MDH1: variants seen among roughly 807,000 people sequenced by gnomAD.
MDH1 encodes the protein malate dehydrogenase, cytoplasmic.
MDH1 carries 15 observed loss-of-function variants against 38.7 expected under a neutral mutation model. The ratio of observed to expected loss-of-function variants is 0.39; its 90% CI spans 0.26 to 0.60. The LOEUF is 0.60. Ranked by LOEUF, MDH1 falls within the 20% of genes least tolerant of loss-of-function variation. The pLI, the probability that MDH1 is intolerant of heterozygous loss-of-function variation, is 0.56. For missense variants in MDH1, 368 were observed against 405.2 expected (o/e 0.91, Z 0.79); for synonymous variants, 144 against 143.6 (o/e 1.00, Z -0.02).
chr2:63,594,339 A>G (rs1171744910), intron 1 of MDH1, 149 bp from the exon 2 acceptor site: 1 of 752,634 alleles, frequency 1.3e-6, no homozygotes, highest in African/African-American at 1.7e-5. Flanking sequence ...TATGCAGCAC[A>G]TTCATTTTCT....
chr2:63,603,655 CTTTTTTTTTTTT>C (rs11297982), intron 5 of MDH1, among the ~76,000 whole-genome samples: 1 of 99,112 alleles, frequency 1.0e-5, no homozygotes, highest in Non-Finnish European at 1.9e-5. Context: ...CAAGACATTT[CTTTTTTTTTTTT>C]TTTTTTTTTT....
At chr2:63,601,868 C>A (rs1452543468) in intron 5 of MDH1, among the ~76,000 whole-genome samples, 4 of 152,170 alleles carry the variant, frequency 2.6e-5, no homozygotes, top group African/African-American at 9.7e-5. Context: ...ATAAATTTAT[C>A]TTTTTCTATA....
At chr2:63,592,615 G>A (rs540289601) in intron 1 of MDH1, among the ~76,000 whole-genome samples, 3 of 152,214 alleles carry the variant, frequency 2.0e-5, no homozygotes, top group African/African-American at 7.2e-5. Flanking sequence ...CGCGCAATGC[G>A]CTGGGATTGT....
At chr2:63,589,071 C>T (rs1558855286) in intron 1 of MDH1, 25 bp downstream of exon 1, 22 of 1,614,130 alleles carry the variant, frequency 1.4e-5, no homozygotes, top group Non-Finnish European at 1.9e-5. Flanking sequence ...CGGGTTCCTG[C>T]CCACCTCTGG....
In MDH1 at chr2:63,605,942, G is replaced by C. The variant is rs765796878; in HGVS notation, c.793G>C (p.Glu265Gln). The C allele has an allele frequency of 1.2e-6, 2 of 1,613,214 alleles. No homozygotes were observed. Among genetic ancestry groups the C allele is most frequent in the Middle Eastern group, 1.7e-4 (1 of 6,060 alleles). Residue 265 changes from glutamate (E) to glutamine (Q), a missense_variant, in exon 8 of 9, where the codon GAG becomes CAG. By Grantham distance (29) the Glu-to-Gln change is conservative. Transcript: ENST00000233114. ...RDIWFGTPEG[E>Q]FVSMGVISDG... ...TGTGAAACATTGTTATTTTCAGGGA[G>C]AGTTTGTGTCCATGGGTGTTATCTC...
At chr2:63,589,313 T>C in intron 1 of MDH1, 1 of 1,550,720 alleles carries the variant, frequency 6.4e-7, no homozygotes, top group Non-Finnish European at 8.7e-7. Flanking sequence ...TCCTGCTGCA[T>C]GACGGGAGGA....
intron 8 of MDH1, among the ~76,000 whole-genome samples, chr2:63,606,275 A>G (rs1438487768): frequency 1.3e-5 from 2 of 152,132 alleles, no homozygotes; most frequent in Non-Finnish European, 2.9e-5. Flanking sequence ...TAGGTTCTTG[A>G]GAGGCTGAGG....
rs201353649 is a variant in MDH1 at position 63,594,449 on chromosome 2, G to A, written c.4-39G>A. On this transcript the variant is annotated intron_variant, in intron 1 of 8. Coordinates refer to ENST00000233114, the MANE Select transcript of MDH1 (RefSeq NM_005917.4). ...AAATCCTGGATATTTTTAAGGTACA[G>A]TAGTACTTAAAGATGTTAATGGGTC... 9.7e-5 allele frequency: 128 copies of A among 1,315,382 alleles called. No individual in the cohort carries two copies. In the African/African-American group the frequency reaches 1.7e-3, roughly 18 times the overall value. 81.5% of individuals were successfully genotyped at this position (1,315,382 alleles called of 1,614,324 possible).
chr2:63,589,072 C>T (rs1293074869), intron 1 of MDH1, 26 bp downstream of exon 1: 4 of 1,614,182 alleles, frequency 2.5e-6, no homozygotes, highest in Non-Finnish European at 3.4e-6. Flanking sequence ...GGGTTCCTGC[C>T]CACCTCTGGC....
intron 4 of MDH1, among the ~76,000 whole-genome samples, chr2:63,598,896 CAAAA>C (rs1333463606): frequency 4.2e-5 from 3 of 72,216 alleles, no homozygotes; most frequent in Non-Finnish European, 6.1e-5. Flanking sequence ...AAAGAGGTAC[CAAAA>C]AAAAAAAAAA....
At chr2:63,603,492 C>A (rs1386844419) in intron 5 of MDH1, among the ~76,000 whole-genome samples, 2 of 152,084 alleles carry the variant, frequency 1.3e-5, no homozygotes, top group African/African-American at 4.8e-5. Flanking sequence ...AACAGATCAG[C>A]TTCTTAAAAT....
Position 63,606,986 on chromosome 2 carries a change from G to T in MDH1, c.1004G>T (p.Ter335LeuextTer19). 1 of 1,610,084 alleles carries T rather than the reference G, an allele frequency of 6.2e-7. No individual in the cohort carries two copies. Among genetic ancestry groups the T allele is most frequent in the South Asian group, 1.1e-5 (1 of 90,044 alleles). ...GCTTTTGAATTTCTTTCCTCTGCCT[G>T]ACTAGACAATGATGTTACTAAATGC... ...ESAFEFLSSA[*>L] is the part of the protein sequence containing the mutation. The change falls in exon 9 of 9, where the codon TGA becomes TTA. Residue 335 changes from the stop codon to leucine (L), a stop_lost. Transcript: ENST00000233114.
chr2:63,593,722 C>G (rs1318649981), intron 1 of MDH1: 1 of 470,594 alleles, frequency 2.1e-6, no homozygotes, highest in Non-Finnish European at 4.4e-6. Flanking sequence ...CTAACTAAAC[C>G]TACCCATTAC....
chr2:63,604,582 C>T (rs1262923102), intron 5 of MDH1, 114 bp from the exon 6 acceptor site: 4 of 814,210 alleles, frequency 4.9e-6, no homozygotes, highest in Non-Finnish European at 5.7e-6. Context: ...CTCTTGTGTT[C>T]TCTTGAAATT....
At chr2:63,591,450 A>T (rs1331167119) in intron 1 of MDH1, among the ~76,000 whole-genome samples, 1 of 152,250 alleles carries the variant, frequency 6.6e-6, no homozygotes, top group Non-Finnish European at 1.5e-5. Context: ...TTAACTGTTC[A>T]TTAGGTGGCC....
rs373174291 is a variant in MDH1 at position 63,606,856 on chromosome 2, A to C, written c.880-6A>C. ...TAAATCTCTTATTTGCATTATTTTC[A>C]AACAGAATAAGACCTGGAAGTTTGT... On this transcript the variant is annotated splice_polypyrimidine_tract_variant and splice_region_variant and intron_variant, in intron 8 of 8. Transcript: ENST00000233114. 3 of 1,597,280 alleles carry C rather than the reference A, an allele frequency of 1.9e-6. No individual in the cohort carries two copies. In the African/African-American group the frequency reaches 4.0e-5, roughly 22 times the overall value.
chr2:63,595,666 T>C (rs1212416108), intron 3 of MDH1, 147 bp downstream of exon 3: 7 of 620,864 alleles, frequency 1.1e-5, no homozygotes, highest in Middle Eastern at 4.0e-4. Context: ...TAACTACTTA[T>C]GTATACCAAG....
Position 63,604,689 on chromosome 2 carries a change from T to G in MDH1, c.499-7T>G. 6.2e-7 allele frequency: 1 copy of G among 1,609,894 alleles called. No individual in the cohort carries two copies. The highest frequency in any genetic ancestry group is 2.2e-5 in the East Asian group (1 of 44,806). ...CTCAGTAATGTATTTGTTTTCAATT[T>G]AACTAGATTGCTCTTAAACTTGGTG... On this transcript the variant is annotated splice_polypyrimidine_tract_variant and splice_region_variant and intron_variant, in intron 5 of 8. Coordinates refer to ENST00000233114, the MANE Select transcript of MDH1 (RefSeq NM_005917.4).
intron 2 of MDH1, 65 bp from the exon 3 acceptor site, chr2:63,595,356 GAA>G: frequency 1.0e-6 from 1 of 990,758 alleles, no homozygotes; most frequent in Non-Finnish European, 1.6e-6. Flanking sequence ...AAAACTATGT[GAA>G]AAGACTTTCT....
Sources: gnomAD v4.1 joint callset for allele counts (sites outside exome capture counted in the v4.1 genomes callset) on GRCh38, gnomAD v4.1.1 for gene constraint, MANE v1.5 for transcripts, NCBI Gene and HGNC (gene_info 2026-07-23, HGNC 2026-07-21) for gene names.